BTBD10: variants seen among roughly 807,000 people sequenced by gnomAD.
The protein encoded by BTBD10 is BTB domain containing 10.
In BTBD10, 21 loss-of-function variants were observed where a neutral mutation model predicts 53.2. That is an observed-to-expected ratio of 0.39 (90% CI 0.28 to 0.57). The LOEUF is 0.57. BTBD10 is among the 20% of genes least tolerant of loss of function. The pLI, the probability that BTBD10 is intolerant of heterozygous loss-of-function variation, is 0.53. For missense variants in BTBD10, 360 were observed against 594.7 expected (o/e 0.61, Z 4.10); for synonymous variants, 149 against 192.7 (o/e 0.77, Z 1.88).
chr11:13,389,725 T>C lies in BTBD10; in HGVS notation c.1118-584A>G, dbSNP rs368774779. On this transcript the variant is annotated intron_variant, in intron 8 of 8. Coordinates refer to ENST00000278174, the MANE Select transcript of BTBD10 (RefSeq NM_032320.7). ...AGGCGCAAGCCACCATGCCGGCCTC[T>C]AGCTACGTATCCTTATATTCTCGTC... Among the ~76,000 whole-genome samples the C allele has an allele frequency of 5.9e-5, 9 of 152,346 alleles. No individual in the cohort carries two copies. In the East Asian group the frequency reaches 1.5e-3, roughly 26 times the overall value.
intron 4 of BTBD10, among the ~76,000 whole-genome samples, chr11:13,417,630 T>C (rs1448381716): frequency 6.6e-6 from 1 of 152,200 alleles, no homozygotes. Flanking sequence ...TCTGTGCTTT[T>C]TCCTTAAAAC....
chr11:13,410,989 T>C (rs1003402072), intron 6 of BTBD10, among the ~76,000 whole-genome samples: 4 of 152,220 alleles, frequency 2.6e-5, no homozygotes, highest in South Asian at 2.1e-4. Context: ...GAGAATGTTT[T>C]TGAACGTCTA....
At chr11:13,406,544 C>T (rs962587932) in intron 6 of BTBD10, among the ~76,000 whole-genome samples, 14 of 150,218 alleles carry the variant, frequency 9.3e-5, no homozygotes, top group Non-Finnish European at 1.6e-4. Flanking sequence ...GCAACCATGG[C>T]AACCATACGC....
chr11:13,394,653 G>A (rs1276935040), intron 8 of BTBD10, among the ~76,000 whole-genome samples: 9 of 151,730 alleles, frequency 5.9e-5, no homozygotes, highest in African/African-American at 1.2e-4. Flanking sequence ...CCATTAACTC[G>A]TCATTTAGCA....
At chr11:13,454,737 TA>T in intron 1 of BTBD10, among the ~76,000 whole-genome samples, 1 of 150,592 alleles carries the variant, frequency 6.6e-6, no homozygotes, top group South Asian at 2.1e-4. Context: ...AAAAGATTTT[TA>T]AAAATAAAAT....
At chr11:13,436,414 C>T (rs1463638161) in intron 2 of BTBD10, among the ~76,000 whole-genome samples, 3 of 152,154 alleles carry the variant, frequency 2.0e-5, no homozygotes, top group African/African-American at 7.2e-5. Flanking sequence ...TGCCAACACC[C>T]ACTAGAAGAC....
At chr11:13,410,517 T>C (rs1949919457) in intron 6 of BTBD10, among the ~76,000 whole-genome samples, 1 of 152,126 alleles carries the variant, frequency 6.6e-6, no homozygotes, top group Admixed American at 6.6e-5. Context: ...AATATAGACA[T>C]GAGCCCCACG....
rs72242186 is a variant in BTBD10 at position 13,406,560 on chromosome 11, T to TGAGA, written c.809-708_809-705dup. On this transcript the variant is annotated intron_variant, in intron 6 of 8. Transcript: ENST00000278174. Reference sequence around the variant, plus strand: ...CAACCATGGCAACCATACGCATGAGTGAGAGAGAGAGAGAGAGAGAGAGAG... The same window carrying TGAGA: ...CAACCATGGCAACCATACGCATGAGTGAGAGAGAGAGAGAGAGAGAGAGAGAGAG... Among the ~76,000 whole-genome samples the TGAGA allele has an allele frequency of 4.4e-3, 626 of 141,448 alleles. 5 individuals carry two copies. The highest frequency in any genetic ancestry group is 0.017 in the East Asian group (81 of 4,810). 92.8% of individuals were successfully genotyped at this position (141,448 alleles called of 152,430 possible).
In BTBD10 at chr11:13,405,757, C is replaced by T. The variant is rs1949808586; in HGVS notation, c.908G>A (p.Ser303Asn). 2.5e-6 allele frequency: 4 copies of T among 1,613,722 alleles called. No homozygotes were observed. The highest frequency in any genetic ancestry group is 1.3e-5 in the African/African-American group (1 of 74,890). ...ILPLMVASAQSGERECHIVVL... is the reference protein window; with the variant it reads ...ILPLMVASAQNGERECHIVVL... ...CACTATATGACATTCCCGTTCCCCA[C>T]TCTGGGCACTAGCTACCATGAGAGG... The change falls in exon 7 of 9, where the codon AGT becomes AAT. Residue 303 changes from serine to asparagine, a missense_variant. Ser to Asn is a conservative substitution (Grantham distance 46). This residue lies in a region of BTBD10 where 91 missense variants were observed against 171.7 expected (regional missense o/e 0.53). Coordinates refer to ENST00000278174, the MANE Select transcript of BTBD10 (RefSeq NM_032320.7).
Position 13,445,080 on chromosome 11 carries a change from T to C in BTBD10, c.45A>G (p.Pro15=), listed in dbSNP as rs962282979. 3 of 1,613,396 alleles carry C rather than the reference T, an allele frequency of 1.9e-6. No homozygotes were observed. Among genetic ancestry groups the C allele is most frequent in the Non-Finnish European group, 2.5e-6 (3 of 1,179,490 alleles). ...TATGCAATTTCCGATCCCAATTCTC[T>C]GGATCACTGGAGTTACCATCATAGG... ...PHPYDGNSSD[P]ENWDRKLHSR... Residue 15 remains proline, a synonymous_variant, in exon 2 of 9, where the codon CCA becomes CCG. Coordinates refer to ENST00000278174, the MANE Select transcript of BTBD10 (RefSeq NM_032320.7).
chr11:13,399,617 G>A (rs188771410), intron 8 of BTBD10, among the ~76,000 whole-genome samples: 1 of 152,164 alleles, frequency 6.6e-6, no homozygotes, highest in African/African-American at 2.4e-5. Context: ...GAGGAGGAGA[G>A]GCGCTCTGAT....
At chr11:13,406,082 C>T (rs374479689) in intron 6 of BTBD10, among the ~76,000 whole-genome samples, 72 of 152,282 alleles carry the variant, frequency 4.7e-4, no homozygotes, top group African/African-American at 1.6e-3. Flanking sequence ...TATCTTCCAT[C>T]AGTATACACA....
At position 13,449,375 on chromosome 11, in the gene BTBD10, G is replaced by A. The variant is rs80194139; in HGVS notation, c.-57-4194C>T. 5.9e-5 allele frequency among the ~76,000 whole-genome samples: 9 copies of A among 151,774 alleles called. No individual in the cohort carries two copies. The East Asian group carries it at 1.7e-3, about 29-fold the overall frequency. On this transcript the variant is annotated intron_variant, in intron 1 of 8. Coordinates refer to ENST00000278174, the MANE Select transcript of BTBD10 (RefSeq NM_032320.7). ...TATTATTATCCTGTTTCATATATGA[G>A]GAAATCTTAAGAGATAAGATTAAAA...
chr11:13,393,498 A>G (rs1221138823), intron 8 of BTBD10, among the ~76,000 whole-genome samples: 1 of 152,206 alleles, frequency 6.6e-6, no homozygotes, highest in East Asian at 1.9e-4. Context: ...TAATTCCAGG[A>G]AAGTCTCAAC....
intron 4 of BTBD10, 109 bp downstream of exon 4, chr11:13,419,351 A>G: frequency 7.2e-7 from 1 of 1,383,650 alleles, no homozygotes; most frequent in Non-Finnish European, 9.7e-7. Flanking sequence ...CATCTGTAAA[A>G]CAGAAATGTT....
chr11:13,438,510 T>C (rs756318714), intron 2 of BTBD10, among the ~76,000 whole-genome samples: 7 of 152,054 alleles, frequency 4.6e-5, no homozygotes, highest in African/African-American at 7.2e-5. Flanking sequence ...AAACACTATG[T>C]AATCCTTTAA....
chr11:13,447,663 G>GT (rs1950775116), intron 1 of BTBD10, among the ~76,000 whole-genome samples: 1 of 152,118 alleles, frequency 6.6e-6, no homozygotes, highest in Non-Finnish European at 1.5e-5. Context: ...TAATCAGCAT[G>GT]TATTTCACAG....
intron 7 of BTBD10, chr11:13,404,694 A>G (rs926344756): frequency 2.7e-6 from 2 of 732,198 alleles, no homozygotes; most frequent in Non-Finnish European, 3.3e-6. Context: ...TACTACAACT[A>G]TCCACAAAGG....
intron 8 of BTBD10, among the ~76,000 whole-genome samples, chr11:13,398,415 T>C (rs1240776974): frequency 1.3e-5 from 2 of 152,142 alleles, no homozygotes; most frequent in Non-Finnish European, 2.9e-5. Context: ...CTCCATCCCT[T>C]TATTTTGAGC....
Sources: allele counts gnomAD v4.1 joint callset (sites outside exome capture counted in the v4.1 genomes callset), GRCh38; gene constraint gnomAD v4.1.1; regional missense constraint gnomAD v4.1.1; transcripts MANE v1.5; gene names NCBI Gene and HGNC (gene_info 2026-07-23, HGNC 2026-07-21).